Variants in SLC8A1 observed in about 807,000 individuals in gnomAD.
SLC8A1 encodes sodium/calcium exchanger 1.
A neutral mutation model predicts 68.3 loss-of-function variants in SLC8A1; 18 were observed. That is an observed-to-expected ratio of 0.26 (90% CI 0.18 to 0.39). The LOEUF is 0.39. Ranked by LOEUF, SLC8A1 falls within the 10% of genes least tolerant of loss-of-function variation. SLC8A1 has a pLI of 1.00. For missense variants in SLC8A1, 985 were observed against 1,156.7 expected (o/e 0.85, Z 2.15); for synonymous variants, 475 against 415.5 (o/e 1.14, Z -1.74).
At chr2:40,121,505 C>T (rs540827689) in intron 7 of SLC8A1, among the ~76,000 whole-genome samples, 1 of 152,190 alleles carries the variant, frequency 6.6e-6, no homozygotes, top group South Asian at 2.1e-4. Flanking sequence ...GTAGCTTCTT[C>T]CACTCACAAT....
intron 2 of SLC8A1, among the ~76,000 whole-genome samples, chr2:40,352,967 T>A (rs916537847): frequency 2.0e-5 from 3 of 152,122 alleles, no homozygotes; most frequent in African/African-American, 4.8e-5. Flanking sequence ...TGGCAGGGCA[T>A]AACTCTCACT....
In SLC8A1 at chr2:40,430,321, G is replaced by T. The variant is rs1397184725; in HGVS notation, c.-24-17C>A. The T allele has an allele frequency of 2.6e-6, 4 of 1,554,874 alleles. No individual in the cohort carries two copies. Among genetic ancestry groups the T allele is most frequent in the East Asian group, 2.3e-5 (1 of 44,334 alleles). ...CACAACCTACTGGTAAAAATAAGAT[G>T]GGGGAGAGGGCAGAAAAAAAGTCAT... On this transcript the variant is annotated splice_polypyrimidine_tract_variant and intron_variant, in intron 1 of 7. Coordinates refer to ENST00000406785, the Ensembl canonical transcript of SLC8A1.
chr2:40,150,817 G>T (rs967955847), intron 6 of SLC8A1, among the ~76,000 whole-genome samples: 1 of 152,014 alleles, frequency 6.6e-6, no homozygotes, highest in Non-Finnish European at 1.5e-5. Context: ...CCACCCTCTC[G>T]TACTTCCACC....
At chr2:40,259,169 A>T (rs111949614) in intron 2 of SLC8A1, among the ~76,000 whole-genome samples, 2,347 of 152,276 alleles carry the variant, frequency 0.015, 57 homozygotes, top group African/African-American at 0.053. Context: ...AATAGAATCA[A>T]TCTTTTCAAG....
exon 8 of SLC8A1, chr2:40,098,007 A>G (rs1175180085): frequency 2.6e-5 from 4 of 152,010 alleles, no homozygotes; most frequent in African/African-American, 9.7e-5. Context: ...TTTTAATCAC[A>G]AAGAGACTAG....
chr2:40,442,909 G>A (rs1385849596), intron 1 of SLC8A1, among the ~76,000 whole-genome samples: 1 of 152,152 alleles, frequency 6.6e-6, no homozygotes, highest in Non-Finnish European at 1.5e-5. Context: ...AGACACCATG[G>A]AATACTATGC....
intron 7 of SLC8A1, among the ~76,000 whole-genome samples, chr2:40,123,814 A>G (rs2037460612): frequency 6.6e-6 from 1 of 152,246 alleles, no homozygotes; most frequent in African/African-American, 2.4e-5. Flanking sequence ...AAATAGCTGA[A>G]TTAATTGTCA....
At chr2:40,329,058 C>CCT (rs1176350123) in intron 2 of SLC8A1, among the ~76,000 whole-genome samples, 8 of 115,260 alleles carry the variant, frequency 6.9e-5, no homozygotes, top group Admixed American at 2.0e-4. Flanking sequence ...CACACTACAA[C>CCT]CTCACACACA....
chr2:40,380,990 C>T (rs373021537), intron 2 of SLC8A1, among the ~76,000 whole-genome samples: 43 of 152,146 alleles, frequency 2.8e-4, no homozygotes, highest in Admixed American at 1.5e-3. Flanking sequence ...TTTCAGTGTC[C>T]GAGTTTGAAG....
At position 40,338,011 on chromosome 2, in the gene SLC8A1, A is replaced by C. The variant is rs76960651; in HGVS notation, c.1808+90462T>G. ...ATGGACAACATCACCCAGCTCAGGA[A>C]GCAAAGGCAGCATCTGAACTTAGGA... On this transcript the variant is annotated intron_variant, in intron 2 of 7. Coordinates refer to ENST00000406785, the Ensembl canonical transcript of SLC8A1. 4.4e-3 allele frequency among the ~76,000 whole-genome samples: 670 copies of C among 152,252 alleles called. 16 individuals are homozygous for C. In the East Asian group the frequency reaches 0.055, roughly 13 times the overall value.
intron 2 of SLC8A1, among the ~76,000 whole-genome samples, chr2:40,327,800 T>C (rs1192301793): frequency 6.6e-6 from 1 of 152,116 alleles, no homozygotes; most frequent in East Asian, 1.9e-4. Flanking sequence ...TATTGGATAC[T>C]ATGGTCCCTA....
intron 1 of SLC8A1, among the ~76,000 whole-genome samples, chr2:40,459,015 C>G (rs1158836518): frequency 6.6e-6 from 1 of 152,096 alleles, no homozygotes; most frequent in East Asian, 1.9e-4. Context: ...TCACTCATTT[C>G]TTTATGGATT....
chr2:40,294,534 T>C (rs2069961268), intron 2 of SLC8A1, among the ~76,000 whole-genome samples: 1 of 152,010 alleles, frequency 6.6e-6, no homozygotes. Flanking sequence ...AAAAAGCAAG[T>C]TGCATATATA....
intron 2 of SLC8A1, among the ~76,000 whole-genome samples, chr2:40,346,219 T>C (rs963224739): frequency 1.3e-5 from 2 of 152,090 alleles, no homozygotes; most frequent in African/African-American, 4.8e-5. Flanking sequence ...TTTCTTTTAT[T>C]GCACACAGTG....
intron 2 of SLC8A1, among the ~76,000 whole-genome samples, chr2:40,393,539 T>C (rs1685970384): frequency 6.6e-6 from 1 of 152,150 alleles, no homozygotes; most frequent in Non-Finnish European, 1.5e-5. Flanking sequence ...GATTATTACA[T>C]TCTTATTTCC....
intron 4 of SLC8A1, 102 bp downstream of exon 6, chr2:40,174,604 G>T: frequency 9.3e-7 from 1 of 1,074,832 alleles, no homozygotes; most frequent in Non-Finnish European, 1.4e-6. Context: ...CACACCATGT[G>T]CCACAGTTAA....
chr2:40,199,940 T>A (rs2053810753), intron 2 of SLC8A1, among the ~76,000 whole-genome samples: 1 of 150,902 alleles, frequency 6.6e-6, no homozygotes, highest in African/African-American at 2.4e-5. Context: ...CAGATGTTAT[T>A]CCAATGTTAA....
chr2:40,449,318 C>A (rs1388982378), intron 1 of SLC8A1, among the ~76,000 whole-genome samples: 1 of 152,126 alleles, frequency 6.6e-6, no homozygotes, highest in Non-Finnish European at 1.5e-5. Flanking sequence ...CTTTTCTCAT[C>A]ATTTATTTTG....
chr2:40,188,062 T>C (rs989213336), intron 2 of SLC8A1, among the ~76,000 whole-genome samples: 7 of 152,154 alleles, frequency 4.6e-5, no homozygotes, highest in Non-Finnish European at 8.8e-5. Flanking sequence ...GGATCAAGCA[T>C]AGGGTACCAT....
Sources: allele counts gnomAD v4.1 joint callset (sites outside exome capture counted in the v4.1 genomes callset), GRCh38; gene constraint gnomAD v4.1.1; transcripts MANE v1.5; gene names NCBI Gene and HGNC (gene_info 2026-07-23, HGNC 2026-07-21).